ARMC8: variants seen among roughly 807,000 people sequenced by gnomAD.
The protein encoded by ARMC8 is armadillo repeat containing 8, also known as armadillo repeat-containing protein 8.
ARMC8 carries 20 observed loss-of-function variants against 99.3 expected under a neutral mutation model. The ratio of observed to expected loss-of-function variants is 0.20; its 90% CI spans 0.14 to 0.29. The LOEUF (loss-of-function observed/expected upper bound fraction) is 0.29, where lower values mean the gene tolerates loss of function less well. Ranked by LOEUF, ARMC8 falls within the 10% of genes least tolerant of loss-of-function variation. The pLI is 1.00. For missense variants in ARMC8, 569 were observed against 809.5 expected, an observed-to-expected ratio of 0.70 and a Z score of 3.60; for synonymous variants, 263 against 278.3, an observed-to-expected ratio of 0.95 and a Z score of 0.55.
intron 1 of ARMC8, among the ~76,000 whole-genome samples, chr3:138,191,765 CT>C (rs1160353771): frequency 6.6e-6 from 1 of 152,136 alleles, no homozygotes; most frequent in Non-Finnish European, 1.5e-5. Flanking sequence ...CAGTATGTGA[CT>C]TTTTGAGGTT....
chr3:138,276,731 A>T (rs2049333242), intron 18 of ARMC8, among the ~76,000 whole-genome samples: 1 of 152,220 alleles, frequency 6.6e-6, no homozygotes, highest in Admixed American at 6.5e-5. Flanking sequence ...TATACTGAAA[A>T]CTATAAAAAC....
intron 18 of ARMC8, among the ~76,000 whole-genome samples, chr3:138,275,036 G>A (rs2049144971): frequency 1.3e-5 from 2 of 152,152 alleles, no homozygotes; most frequent in Non-Finnish European, 2.9e-5. Context: ...AGGAGGGCAA[G>A]TTAAGGGTAG....
At chr3:138,239,123 C>T in intron 9 of ARMC8, 2 of 186,234 alleles carry the variant, frequency 1.1e-5, no homozygotes, top group Non-Finnish European at 2.2e-5. Context: ...ACATTTTTCC[C>T]TTTTTATTAT....
chr3:138,188,390 T>G, intron 1 of ARMC8: 1 of 1,493,368 alleles, frequency 6.7e-7, no homozygotes, highest in South Asian at 1.3e-5. Flanking sequence ...TTTTTTTTTT[T>G]TTAAAAAAAG....
chr3:138,203,406 T>C (rs2044186890), intron 1 of ARMC8, among the ~76,000 whole-genome samples: 1 of 152,162 alleles, frequency 6.6e-6, no homozygotes, highest in Non-Finnish European at 1.5e-5. Flanking sequence ...GTGGTTGCAG[T>C]GAGGGTGTCA....
At chr3:138,247,015 T>G in intron 12 of ARMC8, 1 of 314,220 alleles carries the variant, frequency 3.2e-6, no homozygotes, top group Non-Finnish European at 4.6e-6. Flanking sequence ...TAGTAACTAC[T>G]GAAGAGATAA....
intron 7 of ARMC8, among the ~76,000 whole-genome samples, chr3:138,236,787 A>T (rs2046356249): frequency 6.6e-6 from 1 of 152,136 alleles, no homozygotes; most frequent in African/African-American, 2.4e-5. Flanking sequence ...AAAGCATATT[A>T]TATATGGTTA....
At chr3:138,225,212 TCTC>T (rs1251924650) in intron 5 of ARMC8, among the ~76,000 whole-genome samples, 3 of 150,146 alleles carry the variant, frequency 2.0e-5, no homozygotes, top group Non-Finnish European at 4.4e-5. Context: ...TTCAAGCAAT[TCTC>T]CTGCCTCAGC....
intron 21 of ARMC8, among the ~76,000 whole-genome samples, chr3:138,294,355 T>C (rs6805348): frequency 0.74 from 112,819 of 152,096 alleles, 42,055 homozygotes; most frequent in East Asian, 0.86. Context: ...ATCAGAACTG[T>C]TCTTCTCAGC....
Position 138,237,500 on chromosome 3 carries a change from T to C in ARMC8, c.704T>C (p.Leu235Ser), listed in dbSNP as rs1168543577. ...TLVNVLVDGE[L>S]LPQIFVKMLQ... ...TTTCTAGTTTTGGTTGATGGAGAAT[T>C]GTTACCACAGATTTTTGTGAAGATG... The change falls in exon 9 of 22, where the codon TTG becomes TCG. Residue 235 changes from leucine (L) to serine (S), a missense_variant. Leu to Ser is a moderately radical substitution (Grantham distance 145, BLOSUM62 -2). Around this residue, in one of 2 missense-constraint regions of ARMC8, gnomAD observed 342 missense variants for 391.6 expected, o/e 0.87. Coordinates refer to ENST00000469044, the MANE Select transcript of ARMC8 (RefSeq NM_001363941.2). The C allele has an allele frequency of 1.2e-6, 2 of 1,613,894 alleles. No homozygotes were observed. The highest frequency in any genetic ancestry group is 1.7e-6 in the Non-Finnish European group (2 of 1,179,968).
chr3:138,290,324 T>C (rs2050817114), intron 20 of ARMC8, among the ~76,000 whole-genome samples: 1 of 152,064 alleles, frequency 6.6e-6, no homozygotes, highest in Admixed American at 6.6e-5. Flanking sequence ...GAACCCAGGA[T>C]AGACTGCAGG....
At chr3:138,265,772 G>A (rs1486098761) in intron 14 of ARMC8, among the ~76,000 whole-genome samples, 6 of 152,212 alleles carry the variant, frequency 3.9e-5, no homozygotes, top group Non-Finnish European at 8.8e-5. Flanking sequence ...TAAGGACGAA[G>A]TGGAAGAGTT....
At chr3:138,212,843 A>G (rs185993678) in intron 2 of ARMC8, among the ~76,000 whole-genome samples, 7 of 152,336 alleles carry the variant, frequency 4.6e-5, no homozygotes, top group Admixed American at 3.9e-4. Flanking sequence ...TAGAGGCCGA[A>G]ATAGCATTAA....
At chr3:138,243,455 T>G (rs2046725743) in intron 11 of ARMC8, among the ~76,000 whole-genome samples, 1 of 152,330 alleles carries the variant, frequency 6.6e-6, no homozygotes, top group African/African-American at 2.4e-5. Flanking sequence ...ATATGTTAGT[T>G]CAAGTCAGTA....
At chr3:138,241,313 A>G (rs1002731707) in intron 10 of ARMC8, among the ~76,000 whole-genome samples, 1 of 152,216 alleles carries the variant, frequency 6.6e-6, no homozygotes, top group Non-Finnish European at 1.5e-5. Context: ...TGGCAACTGT[A>G]GGTATGACTC....
intron 1 of ARMC8, among the ~76,000 whole-genome samples, chr3:138,199,436 C>T (rs1041521759): frequency 6.6e-6 from 1 of 152,148 alleles, no homozygotes; most frequent in African/African-American, 2.4e-5. Flanking sequence ...GACATGATAG[C>T]TGTCTCCAAG....
chr3:138,242,204 A>ACTGAGC (rs2046658640), intron 11 of ARMC8, among the ~76,000 whole-genome samples: 1 of 152,236 alleles, frequency 6.6e-6, no homozygotes, highest in African/African-American at 2.4e-5. Flanking sequence ...AGCAATAAAG[A>ACTGAGC]AAATTGCATC....
intron 2 of ARMC8, among the ~76,000 whole-genome samples, chr3:138,215,847 T>C (rs918322770): frequency 3.3e-5 from 5 of 149,324 alleles, no homozygotes; most frequent in African/African-American, 1.3e-4. Flanking sequence ...TCATGGTTTA[T>C]TTATTTATTT....
intron 5 of ARMC8, among the ~76,000 whole-genome samples, chr3:138,227,226 T>C (rs1469035305): frequency 6.6e-6 from 1 of 152,160 alleles, no homozygotes; most frequent in Non-Finnish European, 1.5e-5. Context: ...ATAGACACAA[T>C]TGACAGAAAG....
Sources: gnomAD v4.1 joint callset for allele counts (sites outside exome capture counted in the v4.1 genomes callset) on GRCh38, gnomAD v4.1.1 for gene constraint, gnomAD v4.1.1 regional missense constraint, MANE v1.5 for transcripts, NCBI Gene and HGNC (gene_info 2026-07-23, HGNC 2026-07-21) for gene names.